The following DENND1A variants were observed in gnomAD, a reference collection of about 807,000 sequenced individuals.
DENND1A encodes the protein DENN domain-containing protein 1A.
Under a neutral mutation model 113.7 loss-of-function variants are expected in DENND1A, and 51 were observed. That is an observed-to-expected ratio of 0.45 (90% confidence interval 0.36 to 0.57). DENND1A has a LOEUF of 0.57. Ranked by LOEUF, DENND1A falls within the 20% of genes least tolerant of loss-of-function variation. The pLI, the probability that DENND1A is intolerant of heterozygous loss-of-function variation, is 0.00. For synonymous variants in DENND1A, 565 were observed against 570.8 expected, an observed-to-expected ratio of 0.99 and a Z score of 0.14; for missense variants, 1,258 against 1,395.9, an observed-to-expected ratio of 0.90 and a Z score of 1.57.
At chr9:123,888,249 G>A (rs1011391124) in intron 1 of DENND1A, among the ~76,000 whole-genome samples, 5 of 152,186 alleles carry the variant, frequency 3.3e-5, no homozygotes, top group African/African-American at 1.2e-4. Context: ...GAGCAAGCCT[G>A]AAAGGGCTTC....
intron 12 of DENND1A, among the ~76,000 whole-genome samples, chr9:123,568,068 G>A (rs1224737252): frequency 1.3e-5 from 2 of 152,092 alleles, no homozygotes; most frequent in African/African-American, 2.4e-5. Context: ...GACCTGACAT[G>A]GAATGAGACA....
intron 5 of DENND1A, among the ~76,000 whole-genome samples, chr9:123,728,747 A>G (rs1476736261): frequency 6.6e-6 from 1 of 152,194 alleles, no homozygotes; most frequent in Non-Finnish European, 1.5e-5. Context: ...ACAGTATAGT[A>G]TTGATAGATA....
intron 2 of DENND1A, among the ~76,000 whole-genome samples, chr9:123,797,451 T>C (rs1833952486): frequency 6.6e-6 from 1 of 152,158 alleles, no homozygotes; most frequent in Admixed American, 6.6e-5. Context: ...AAGCTCAAAT[T>C]TTCCCCAAAA....
intron 19 of DENND1A, among the ~76,000 whole-genome samples, chr9:123,436,702 C>T (rs560678280): frequency 6.6e-6 from 1 of 152,204 alleles, no homozygotes; most frequent in South Asian, 2.1e-4. Context: ...TAACATATGT[C>T]TGCTTTAGAA....
intron 13 of DENND1A, among the ~76,000 whole-genome samples, chr9:123,557,275 C>G (rs1194562048): frequency 6.6e-6 from 1 of 152,200 alleles, no homozygotes; most frequent in Non-Finnish European, 1.5e-5. Flanking sequence ...CCAGGGAGAG[C>G]AGGTGAGTGT....
chr9:123,579,179 G>A (rs1373386985), intron 12 of DENND1A, among the ~76,000 whole-genome samples: 1 of 152,132 alleles, frequency 6.6e-6, no homozygotes, highest in African/African-American at 2.4e-5. Context: ...TGTGCTGATA[G>A]GATATATGTT....
At chr9:123,734,175 GT>G (rs2068391757) in intron 5 of DENND1A, among the ~76,000 whole-genome samples, 1 of 152,198 alleles carries the variant, frequency 6.6e-6, no homozygotes, top group South Asian at 2.1e-4. Context: ...TCATTATTAA[GT>G]TTTTATTCAT....
intron 13 of DENND1A, among the ~76,000 whole-genome samples, chr9:123,526,769 T>C (rs970905155): frequency 2.0e-5 from 3 of 152,238 alleles, no homozygotes; most frequent in Admixed American, 6.5e-5. Flanking sequence ...TGCCAGCCCC[T>C]CTTTCTTTGG....
At chr9:123,728,458 C>A (rs1427278496) in intron 5 of DENND1A, among the ~76,000 whole-genome samples, 1 of 80,070 alleles carries the variant, frequency 1.2e-5, no homozygotes, top group Non-Finnish European at 2.2e-5. Context: ...GCCTGGGCAA[C>A]AATTGCAAAA....
At chr9:123,568,269 C>CTAGATA (rs1379496752) in intron 12 of DENND1A, among the ~76,000 whole-genome samples, 1 of 152,188 alleles carries the variant, frequency 6.6e-6, no homozygotes, top group Non-Finnish European at 1.5e-5. Flanking sequence ...TATCTGGATG[C>CTAGATA]CTCTAGGCAA....
chr9:123,751,673 T>C (rs752528113), intron 5 of DENND1A: 2 of 152,284 alleles, frequency 1.3e-5, no homozygotes, highest in African/African-American at 2.4e-5. Flanking sequence ...ACTTCGATGG[T>C]ATCATCTCTT....
intron 12 of DENND1A, among the ~76,000 whole-genome samples, chr9:123,560,323 G>C (rs1460923232): frequency 1.3e-5 from 2 of 152,178 alleles, no homozygotes; most frequent in African/African-American, 4.8e-5. Context: ...ACTGTGTACA[G>C]GAAAACAATC....
At chr9:123,703,018 G>A (rs1454429905) in intron 5 of DENND1A, among the ~76,000 whole-genome samples, 1 of 152,158 alleles carries the variant, frequency 6.6e-6, no homozygotes, top group African/African-American at 2.4e-5. Context: ...GTCTTTCCCT[G>A]TAGCCCAGGC....
intron 12 of DENND1A, among the ~76,000 whole-genome samples, chr9:123,568,118 A>T (rs1369285793): frequency 6.6e-6 from 1 of 152,230 alleles, no homozygotes; most frequent in Non-Finnish European, 1.5e-5. Context: ...AAACATGCAT[A>T]ATAAATCAAT....
intron 19 of DENND1A, 172 bp downstream of exon 19, chr9:123,440,188 G>T (rs1023493524): frequency 4.6e-6 from 4 of 871,038 alleles, no homozygotes; most frequent in Non-Finnish European, 6.5e-6. Flanking sequence ...TTGAAAATTT[G>T]CCTGCAAAAC....
intron 13 of DENND1A, among the ~76,000 whole-genome samples, chr9:123,526,792 T>C (rs2054887299): frequency 6.6e-6 from 1 of 152,224 alleles, no homozygotes. Flanking sequence ...GTCTCTTAAA[T>C]ATACATTAGC....
intron 5 of DENND1A, among the ~76,000 whole-genome samples, chr9:123,700,304 T>C (rs148642963): frequency 2.6e-5 from 4 of 152,348 alleles, no homozygotes; most frequent in African/African-American, 9.6e-5. Context: ...GGTGGTATTA[T>C]TGCATTGACT....
At chr9:123,532,972 CAGG>C (rs1466317354) in intron 13 of DENND1A, among the ~76,000 whole-genome samples, 8 of 152,210 alleles carry the variant, frequency 5.3e-5, no homozygotes, top group African/African-American at 1.9e-4. Flanking sequence ...GTAGCTTCAC[CAGG>C]AGTTGGCACT....
chr9:123,680,987 G>A (rs1015782707), intron 5 of DENND1A, among the ~76,000 whole-genome samples: 2 of 152,086 alleles, frequency 1.3e-5, no homozygotes, highest in Non-Finnish European at 1.5e-5. Flanking sequence ...GGGGCAACCT[G>A]GTGTTAGAGT....
Sources: allele counts gnomAD v4.1 joint callset (sites outside exome capture counted in the v4.1 genomes callset), GRCh38; gene constraint gnomAD v4.1.1; transcripts MANE v1.5; gene names NCBI Gene and HGNC (gene_info 2026-07-23, HGNC 2026-07-21).